Variants in GDAP1 observed in about 807,000 individuals in gnomAD.
The protein encoded by GDAP1 is ganglioside-induced differentiation-associated protein 1.
A neutral mutation model predicts 40.1 loss-of-function variants in GDAP1; 34 were observed. That is an observed-to-expected ratio of 0.85 (90% CI 0.64 to 1.13). GDAP1 has a LOEUF of 1.13. Ranked by LOEUF, GDAP1 falls within the 50% of genes most tolerant of loss-of-function variation. The pLI, the probability that GDAP1 is intolerant of heterozygous loss-of-function variation, is 0.00. For synonymous variants in GDAP1, 170 were observed against 157.4 expected, an observed-to-expected ratio of 1.08 and a Z score of -0.60; for missense variants, 374 against 433.7, an observed-to-expected ratio of 0.86 and a Z score of 1.22.
intron 2 of GDAP1, among the ~76,000 whole-genome samples, chr8:74,466,391 A>G (rs1038454932): frequency 7.9e-5 from 12 of 152,160 alleles, no homozygotes; most frequent in African/African-American, 2.2e-4. Flanking sequence ...CTTTGTGGAG[A>G]AAAAAACTGA....
chr8:74,476,594 A>T (rs1313679294), intron 2 of GDAP1, among the ~76,000 whole-genome samples: 1 of 152,238 alleles, frequency 6.6e-6, no homozygotes, highest in Admixed American at 6.5e-5. Context: ...TGCTTTAAGA[A>T]TGTTGAATAT....
chr8:74,369,574 G>A (rs2131530091), downstream of GDAP1, among the ~76,000 whole-genome samples: 1 of 152,176 alleles, frequency 6.6e-6, no homozygotes, highest in East Asian at 1.9e-4. Context: ...TAATATGTGT[G>A]TTACGGGAGT....
At chr8:74,462,849 C>T (rs556767872) in intron 2 of GDAP1, among the ~76,000 whole-genome samples, 39 of 151,698 alleles carry the variant, frequency 2.6e-4, no homozygotes, top group African/African-American at 9.2e-4. Flanking sequence ...GATTAGAAAG[C>T]ATTTGAGTGA....
At chr8:74,478,199 G>T (rs1038557530) in intron 2 of GDAP1, among the ~76,000 whole-genome samples, 1 of 152,144 alleles carries the variant, frequency 6.6e-6, no homozygotes, top group African/African-American at 2.4e-5. Context: ...GTGGCAAGGG[G>T]AGAGGGGCAG....
At chr8:74,448,697 C>T (rs1806261821) in intron 2 of GDAP1, among the ~76,000 whole-genome samples, 1 of 151,932 alleles carries the variant, frequency 6.6e-6, no homozygotes, top group Non-Finnish European at 1.5e-5. Context: ...ATTTTGAGAA[C>T]CTTTTCATGT....
chr8:74,466,234 T>C (rs78009076), intron 2 of GDAP1, among the ~76,000 whole-genome samples: 5,046 of 152,310 alleles, frequency 0.033, 156 homozygotes, highest in Admixed American at 0.074. Context: ...GATTTCTCTC[T>C]GAAAAATTTA....
At chr8:74,367,748 G>A (rs1008941913), downstream of GDAP1, among the ~76,000 whole-genome samples, 2 of 152,186 alleles carry the variant, frequency 1.3e-5, no homozygotes, top group Non-Finnish European at 2.9e-5. Context: ...TCTAGTGTGA[G>A]GATAGTAGTT....
chr8:74,422,214 TTC>T (rs918510453), intron 2 of GDAP1, among the ~76,000 whole-genome samples: 1 of 142,390 alleles, frequency 7.0e-6, no homozygotes, highest in Non-Finnish European at 1.6e-5. Context: ...TTTCTCTCTC[TTC>T]TTTCTTTCCC....
chr8:74,436,483 T>C (rs13270047), intron 2 of GDAP1, among the ~76,000 whole-genome samples: 1 of 149,308 alleles, frequency 6.7e-6, no homozygotes, highest in South Asian at 2.1e-4. Flanking sequence ...AGTGCAGTGG[T>C]GTGATCTCGG....
At chr8:74,417,562 G>A (rs1481647411) in intron 2 of GDAP1, among the ~76,000 whole-genome samples, 2 of 149,738 alleles carry the variant, frequency 1.3e-5, no homozygotes, top group South Asian at 2.1e-4. Context: ...GAGCCAATGC[G>A]CCCAGCCAAC....
At chr8:74,378,421 G>A (rs185835838) in intron 2 of GDAP1, among the ~76,000 whole-genome samples, 40 of 152,288 alleles carry the variant, frequency 2.6e-4, no homozygotes, top group Admixed American at 9.2e-4. Flanking sequence ...CACACAAGAG[G>A]TGGATTGAGA....
chr8:74,452,293 T>G (rs12681156), intron 2 of GDAP1, among the ~76,000 whole-genome samples: 69,083 of 81,222 alleles, frequency 0.85, 34,029 homozygotes, highest in East Asian at 1. Context: ...ATGAACTTTG[T>G]TCTTTAAGCC....
At chr8:74,480,322 A>G (rs1397806567) in intron 2 of GDAP1, among the ~76,000 whole-genome samples, 6 of 152,098 alleles carry the variant, frequency 3.9e-5, no homozygotes, top group African/African-American at 1.4e-4. Context: ...TGCACTGCAA[A>G]GTACTGGGCT....
At position 74,366,433 on chromosome 8, in the gene GDAP1, T is replaced by C. The variant is rs73347210; in HGVS notation, c.*2066T>C. The C allele has an allele frequency of 4.0e-4, 184 of 454,478 alleles. No individual in the cohort carries two copies. The highest frequency in any genetic ancestry group is 3.3e-3 in the African/African-American group (167 of 50,116). 28.2% of individuals were successfully genotyped at this position (454,478 alleles called of 1,614,324 possible). ...TATTCTTCTGTTTTAAAAAAAAGCTTGAGGCAAATGTGAGTGATTTCCAGT... is the reference window on the plus strand; with the variant it reads ...TATTCTTCTGTTTTAAAAAAAAGCTCGAGGCAAATGTGAGTGATTTCCAGT... On this transcript the variant is annotated 3_prime_UTR_variant, in exon 6 of 6. Transcript: ENST00000220822.
Position 74,397,281 on chromosome 8 carries a change from A to G in GDAP1, c.165+45960A>G, listed in dbSNP as rs367655720. ...GCCCTTTGTCAGATGAGTAGGTTGCAAAAATTTTCTCCCATTTTGTAGGTT... is the reference window on the plus strand; with the variant it reads ...GCCCTTTGTCAGATGAGTAGGTTGCGAAAATTTTCTCCCATTTTGTAGGTT... On this transcript the variant is annotated intron_variant, in intron 2 of 2. Transcript: ENST00000523640. Among the ~76,000 whole-genome samples the G allele has an allele frequency of 3.3e-5, 5 of 151,518 alleles. 1 individual carries two copies. The highest frequency in any genetic ancestry group is 1.9e-4 in the East Asian group (1 of 5,170).
At chr8:74,415,401 T>C (rs1805765544) in intron 2 of GDAP1, among the ~76,000 whole-genome samples, 1 of 149,978 alleles carries the variant, frequency 6.7e-6, no homozygotes, top group African/African-American at 2.5e-5. Flanking sequence ...AAAGAAAATA[T>C]TAATAGTGTG....
intron 2 of GDAP1, among the ~76,000 whole-genome samples, chr8:74,402,976 G>A (rs1805580382): frequency 6.7e-6 from 1 of 149,948 alleles, no homozygotes; most frequent in South Asian, 2.1e-4. Context: ...AAAAGTTAAT[G>A]AGAAAAAAGT....
chr8:74,424,270 A>C (rs2131561280), intron 2 of GDAP1, among the ~76,000 whole-genome samples: 1 of 151,306 alleles, frequency 6.6e-6, no homozygotes, highest in East Asian at 1.9e-4. Context: ...TGTTCAGTGC[A>C]CACAGTTTTT....
chr8:74,412,270 A>C (rs1221334436), intron 2 of GDAP1, among the ~76,000 whole-genome samples: 2 of 150,198 alleles, frequency 1.3e-5, no homozygotes, highest in Non-Finnish European at 2.9e-5. Flanking sequence ...TGTAACACAA[A>C]GATACATAGA....
Sources: gnomAD v4.1 joint callset for allele counts (sites outside exome capture counted in the v4.1 genomes callset) on GRCh38, gnomAD v4.1.1 for gene constraint, MANE v1.5 for transcripts, NCBI Gene and HGNC (gene_info 2026-07-23, HGNC 2026-07-21) for gene names.